The following ADAMTS12 variants were observed in gnomAD, a reference collection of about 807,000 sequenced individuals.
ADAMTS12 encodes A disintegrin and metalloproteinase with thrombospondin motifs 12.
In ADAMTS12, 118 loss-of-function variants were observed where a neutral mutation model predicts 167.8. The observed-to-expected ratio is 0.70, with a 90% CI of 0.61 to 0.82. The LOEUF is 0.82. ADAMTS12 is among the 40% of genes least tolerant of loss of function. The pLI, the probability that ADAMTS12 is intolerant of heterozygous loss-of-function variation, is 0.00. For synonymous variants in ADAMTS12, 704 were observed against 716.9 expected, an observed-to-expected ratio of 0.98 and a Z score of 0.29; for missense variants, 1,916 against 1,998.8, an observed-to-expected ratio of 0.96 and a Z score of 0.79.
chr5:33,702,545 A>G (rs1292092990), intron 3 of ADAMTS12, among the ~76,000 whole-genome samples: 1 of 152,264 alleles, frequency 6.6e-6, no homozygotes, highest in Non-Finnish European at 1.5e-5. Flanking sequence ...TAGATAAACA[A>G]GAGTCTACTG....
chr5:33,852,228 C>G (rs750819661), intron 2 of ADAMTS12, among the ~76,000 whole-genome samples: 7 of 152,058 alleles, frequency 4.6e-5, no homozygotes, highest in African/African-American at 1.7e-4. Context: ...CCTTAGAGAT[C>G]GGCTGAGAAT....
At position 33,550,898 on chromosome 5, in the gene ADAMTS12, GA is replaced by G. The variant is rs531144153; in HGVS notation, c.4126-1516del. Among the ~76,000 whole-genome samples the G allele has an allele frequency of 1.9e-3, 293 of 152,254 alleles. 1 individual carries two copies. Among genetic ancestry groups the G allele is most frequent in the Non-Finnish European group, 2.9e-3 (199 of 68,026 alleles). On this transcript the variant is annotated intron_variant, in intron 20 of 23. Transcript: ENST00000504830. ...CTGTTGAATCAACATTGAATTATGA[GA>G]AAATGCCAGCTGGGAGGGCTCCCAG...
rs552313673 is a variant in ADAMTS12 at position 33,622,437 on chromosome 5, C to T, written c.2143+1794G>A. ...TTGGGAAGCTGAGGTGGGTGGATCA[C>T]GAGGTCAAGAGATCAAGACCATCCT... On this transcript the variant is annotated intron_variant, in intron 14 of 23. Coordinates refer to ENST00000504830, the MANE Select transcript of ADAMTS12 (RefSeq NM_030955.4). Among the ~76,000 whole-genome samples the T allele has an allele frequency of 2.6e-5, 4 of 152,224 alleles. No homozygotes were observed. In the South Asian group the frequency reaches 8.3e-4, roughly 32 times the overall value.
chr5:33,735,917 C>T, intron 3 of ADAMTS12, among the ~76,000 whole-genome samples: 1 of 151,968 alleles, frequency 6.6e-6, no homozygotes, highest in East Asian at 1.9e-4. Context: ...TTTGATTTTT[C>T]CAGGGCCAGA....
intron 15 of ADAMTS12, 75 bp downstream of exon 15, chr5:33,615,753 G>A (rs766549592): frequency 3.4e-5 from 54 of 1,576,174 alleles, no homozygotes; most frequent in Non-Finnish European, 4.1e-5. Context: ...ATGTCCCCTA[G>A]CAAGTACCTT....
chr5:33,809,074 A>G (rs1026416356), intron 2 of ADAMTS12, among the ~76,000 whole-genome samples: 1 of 152,172 alleles, frequency 6.6e-6, no homozygotes, highest in African/African-American at 2.4e-5. Context: ...ATTTTTCCGC[A>G]AAGCTCTCTT....
intron 2 of ADAMTS12, among the ~76,000 whole-genome samples, chr5:33,869,732 G>T (rs1344369981): frequency 6.6e-6 from 1 of 152,188 alleles, no homozygotes; most frequent in Non-Finnish European, 1.5e-5. Context: ...GGCAAAACTA[G>T]AATTGCTAAT....
intron 3 of ADAMTS12, among the ~76,000 whole-genome samples, chr5:33,749,194 C>T (rs369058729): frequency 2.6e-5 from 4 of 152,238 alleles, no homozygotes; most frequent in East Asian, 3.9e-4. Flanking sequence ...CCCTCTGTTA[C>T]ACACTGACTG....
chr5:33,587,852 GTTATTC>G (rs978162576), intron 18 of ADAMTS12, among the ~76,000 whole-genome samples: 5 of 142,706 alleles, frequency 3.5e-5, no homozygotes, highest in African/African-American at 1.0e-4. Flanking sequence ...GTATTTTCTA[GTTATTC>G]TTAGGTTGTT....
chr5:33,794,074 A>C (rs973194417), intron 2 of ADAMTS12, among the ~76,000 whole-genome samples: 12 of 152,014 alleles, frequency 7.9e-5, no homozygotes, highest in Admixed American at 5.2e-4. Flanking sequence ...CTGCTTGAGG[A>C]CCCAGGGAGC....
At chr5:33,555,143 G>C (rs1335349901) in intron 20 of ADAMTS12, among the ~76,000 whole-genome samples, 1 of 152,192 alleles carries the variant, frequency 6.6e-6, no homozygotes, top group East Asian at 1.9e-4. Flanking sequence ...GTGTGGAGCT[G>C]TGCAGATGAT....
At position 33,614,177 on chromosome 5, in the gene ADAMTS12, T is replaced by C; in HGVS notation, c.2527+61A>G. ...AGCACAAAGCAAATCACTGGTGTAA[T>C]CACCTCTACAAACTGCTCTGAGGCT... On this transcript the variant is annotated intron_variant, in intron 16 of 23. Coordinates refer to ENST00000504830, the MANE Select transcript of ADAMTS12 (RefSeq NM_030955.4). 4 of 1,578,668 alleles carry C rather than the reference T, an allele frequency of 2.5e-6. No individual in the cohort carries two copies. The South Asian group carries it at 4.6e-5, about 18-fold the overall frequency.
chr5:33,744,048 G>A (rs953150554), intron 3 of ADAMTS12, among the ~76,000 whole-genome samples: 3 of 152,208 alleles, frequency 2.0e-5, no homozygotes, highest in African/African-American at 4.8e-5. Context: ...ATCACAGACA[G>A]TAAGTTCAAT....
intron 2 of ADAMTS12, among the ~76,000 whole-genome samples, chr5:33,879,664 A>C (rs1750358141): frequency 6.6e-6 from 1 of 152,192 alleles, no homozygotes. Flanking sequence ...CCTAATATGA[A>C]AATCCAAATT....
chr5:33,569,252 C>T (rs909400809), intron 19 of ADAMTS12, among the ~76,000 whole-genome samples: 12 of 152,202 alleles, frequency 7.9e-5, no homozygotes, highest in Admixed American at 2.6e-4. Flanking sequence ...GTCGTTCTCC[C>T]AGCACGCAGC....
At chr5:33,760,808 C>G (rs1351529460) in intron 2 of ADAMTS12, among the ~76,000 whole-genome samples, 1 of 151,990 alleles carries the variant, frequency 6.6e-6, no homozygotes, top group Non-Finnish European at 1.5e-5. Flanking sequence ...TCATTTTTTA[C>G]TACCTATCTT....
chr5:33,888,611 C>T (rs544514577), intron 1 of ADAMTS12, among the ~76,000 whole-genome samples: 25 of 152,218 alleles, frequency 1.6e-4, no homozygotes, highest in African/African-American at 5.8e-4. Context: ...CTTGCACAAG[C>T]CTGGAGTTCA....
chr5:33,869,309 C>T (rs540464672), intron 2 of ADAMTS12, among the ~76,000 whole-genome samples: 4 of 152,210 alleles, frequency 2.6e-5, no homozygotes, highest in Admixed American at 6.5e-5. Flanking sequence ...CCTGCAGGTG[C>T]ACAGAGGGCA....
chr5:33,524,167 CTCT>C lies in ADAMTS12; in HGVS notation c.*3018_*3020del, dbSNP rs1404863298. On this transcript the variant is annotated 3_prime_UTR_variant, in exon 24 of 24. Transcript: ENST00000504830. ...TCTCAGGAGATTGGACGGAGGTGTG[CTCT>C]TCTTTAAGAAAACCCATCACAAAAC... The C allele has an allele frequency of 6.6e-6, 1 of 152,384 alleles. No individual in the cohort carries two copies. Among genetic ancestry groups the C allele is most frequent in the East Asian group, 1.9e-4 (1 of 5,182 alleles). The allele number at this position is 152,384 out of a possible 1,614,324, so 9.4% of individuals were successfully genotyped here.
Sources: gnomAD v4.1 joint callset for allele counts (sites outside exome capture counted in the v4.1 genomes callset) on GRCh38, gnomAD v4.1.1 for gene constraint, MANE v1.5 for transcripts, NCBI Gene and HGNC (gene_info 2026-07-23, HGNC 2026-07-21) for gene names.